Variants in RAVER2 observed in about 807,000 individuals in gnomAD.
RAVER2 encodes ribonucleoprotein, PTB binding 2, also known as ribonucleoprotein PTB-binding 2.
In RAVER2, 46 loss-of-function variants were observed where a neutral mutation model predicts 78.1. That is an observed-to-expected ratio of 0.59 (90% CI 0.46 to 0.75). The LOEUF (loss-of-function observed/expected upper bound fraction) is 0.75, where lower values mean the gene tolerates loss of function less well. Among genes scored for constraint, RAVER2 ranks in the 30% least tolerant of loss-of-function variants. The probability of loss-of-function intolerance (pLI) is 0.00; values close to 1 mark genes in which losing one functional copy is unlikely to be tolerated. For synonymous variants in RAVER2, 311 were observed against 313.3 expected (o/e 0.99, Z 0.08); for missense variants, 793 against 837.5 (o/e 0.95, Z 0.66).
intron 8 of RAVER2, 47 bp from the exon 9 acceptor site, chr1:64,807,159 T>C: frequency 6.4e-7 from 1 of 1,571,470 alleles, no homozygotes; most frequent in Non-Finnish European, 8.7e-7. Context: ...CTATTGTGAA[T>C]AAATATTTTC....
chr1:64,768,847 G>A (rs775161427), intron 2 of RAVER2, 125 bp downstream of exon 2: 46 of 619,994 alleles, frequency 7.4e-5, no homozygotes, highest in South Asian at 4.2e-4. Context: ...TAAATCATTC[G>A]AATGTAACCC....
chr1:64,751,402 G>A (rs925933913), intron 1 of RAVER2, among the ~76,000 whole-genome samples: 3 of 152,132 alleles, frequency 2.0e-5, no homozygotes, highest in African/African-American at 7.2e-5. Context: ...CAGGAAGAAG[G>A]GAATTTAAGG....
exon 9 of RAVER2, chr1:64,807,216 G>A (rs761266336): frequency 1.2e-6 from 2 of 1,613,370 alleles, no homozygotes; most frequent in Admixed American, 1.7e-5. Flanking sequence ...CATCTAGCCT[G>A]ATTCCAACTC....
chr1:64,750,775 C>G (rs12028020), intron 1 of RAVER2, among the ~76,000 whole-genome samples: 7,179 of 152,152 alleles, frequency 0.047, 411 homozygotes, highest in East Asian at 0.27. Context: ...CCATTGCTTA[C>G]CTCCAAAAGT....
chr1:64,777,729 T>G lies in RAVER2; in HGVS notation c.423T>G (p.Asp141Glu), dbSNP rs1193534174. Residue 141 changes from aspartate (D) to glutamate (E), a missense_variant, in exon 3 of 12, where the codon GAT (aspartate) becomes GAG (glutamate). By Grantham distance (45) the Asp-to-Glu change is conservative. Transcript: ENST00000294428. Reference sequence around the variant, plus strand: ...TAATAGTCCAGCTTCAGCCAACAGATGCTTTGTTGTGTATTACCAACGTGC... The same window carrying G: ...TAATAGTCCAGCTTCAGCCAACAGAGGCTTTGTTGTGTATTACCAACGTGC... The G allele has an allele frequency of 6.2e-7, 1 of 1,613,880 alleles. No individual in the cohort carries two copies. Among genetic ancestry groups the G allele is most frequent in the East Asian group, 2.2e-5 (1 of 44,892 alleles).
chr1:64,745,940 T>A lies in RAVER2; in HGVS notation c.249+519T>A, dbSNP rs1264004356. 3.9e-5 allele frequency among the ~76,000 whole-genome samples: 6 copies of A among 152,278 alleles called. No individual in the cohort carries two copies. Among genetic ancestry groups the A allele is most frequent in the African/African-American group, 1.2e-4 (5 of 41,572 alleles). ...GCAGAAGCACTTGCCCAAGTTTCTA[T>A]GAAACAACTCTGTCTTCTCAGTTTG... On this transcript the variant is annotated intron_variant, in intron 1 of 11. Coordinates refer to ENST00000294428, the Ensembl canonical transcript of RAVER2. The surrounding 1 kb of genome is among the most constrained non-coding windows in gnomAD (Gnocchi z 4.3).
intron 4 of RAVER2, among the ~76,000 whole-genome samples, chr1:64,785,065 C>CTGCATAAG: frequency 6.6e-6 from 1 of 152,094 alleles, no homozygotes; most frequent in Non-Finnish European, 1.5e-5. Context: ...TCTTTAATGC[C>CTGCATAAG]TGCATAAGTT....
At chr1:64,778,307 T>C (rs1652530553) in intron 3 of RAVER2, among the ~76,000 whole-genome samples, 1 of 152,198 alleles carries the variant, frequency 6.6e-6, no homozygotes, top group Admixed American at 6.5e-5. Flanking sequence ...AAGTATGCCT[T>C]AGCAAATCCA....
intron 6 of RAVER2, 64 bp downstream of exon 6, chr1:64,803,125 A>G (rs1653314305): frequency 1.6e-6 from 2 of 1,256,176 alleles, no homozygotes; most frequent in South Asian, 1.3e-5. Context: ...GTTTGTTCTT[A>G]ACACTTAAAG....
In RAVER2 at chr1:64,745,113, T is replaced by TTC. The variant is rs1163051257; in HGVS notation, c.-53_-52dup. ...GCCCTCGCCCGGGCCTCCTCCCGCT[T>TTC]TCTCTCTCCGCTTCCCCTGGAGCCT... On this transcript the variant is annotated 5_prime_UTR_variant, in exon 1 of 12. Coordinates refer to ENST00000294428, the Ensembl canonical transcript of RAVER2. This position sits in a 1 kb window ranked among gnomAD's most constrained non-coding sequence, Gnocchi z 4.3. 2.5e-5 allele frequency: 25 copies of TTC among 1,013,198 alleles called. No homozygotes were observed. Among genetic ancestry groups the TTC allele is most frequent in the Non-Finnish European group, 2.7e-5 (23 of 849,084 alleles). 62.8% of individuals were successfully genotyped at this position (1,013,198 alleles called of 1,614,324 possible).
chr1:64,828,419 GA>G (rs1235253675), intron 11 of RAVER2, among the ~76,000 whole-genome samples: 5 of 152,066 alleles, frequency 3.3e-5, no homozygotes, highest in Non-Finnish European at 7.4e-5. Context: ...AAAATAGAAG[GA>G]AAAATATTTG....
intron 9 of RAVER2, among the ~76,000 whole-genome samples, chr1:64,809,379 G>T (rs1000380232): frequency 2.6e-5 from 4 of 152,072 alleles, no homozygotes; most frequent in South Asian, 2.1e-4. Context: ...AGACTTGGCT[G>T]AAATGATTGG....
chr1:64,814,937 G>T (rs3790529), intron 11 of RAVER2, 97 bp downstream of exon 11: 3 of 1,123,612 alleles, frequency 2.7e-6, no homozygotes, highest in Non-Finnish European at 3.6e-6. Context: ...TATTATTAAC[G>T]TAGGCAAATC....
intron 1 of RAVER2, among the ~76,000 whole-genome samples, chr1:64,747,209 C>A (rs1423822980): frequency 6.6e-6 from 1 of 152,172 alleles, no homozygotes; most frequent in East Asian, 1.9e-4. Flanking sequence ...CTAATATTTT[C>A]ATATGTTCTG....
chr1:64,821,537 T>C (rs1264389376), intron 11 of RAVER2, among the ~76,000 whole-genome samples: 1 of 152,176 alleles, frequency 6.6e-6, no homozygotes, highest in Non-Finnish European at 1.5e-5. Context: ...AGTAGAAATA[T>C]GTATTCACAC....
intron 5 of RAVER2, among the ~76,000 whole-genome samples, chr1:64,792,019 G>C (rs1335866291): frequency 1.3e-5 from 2 of 152,072 alleles, no homozygotes; most frequent in Admixed American, 6.6e-5. Flanking sequence ...TACCATATAT[G>C]TAAAAGATGT....
intron 1 of RAVER2, among the ~76,000 whole-genome samples, chr1:64,749,457 C>A (rs1404721683): frequency 6.6e-6 from 1 of 151,848 alleles, no homozygotes; most frequent in Non-Finnish European, 1.5e-5. Context: ...GTGATCTGCC[C>A]GCCTCGGCCT....
intron 1 of RAVER2, among the ~76,000 whole-genome samples, chr1:64,746,056 T>C (rs1215241618): frequency 1.3e-5 from 2 of 152,256 alleles, no homozygotes; most frequent in African/African-American, 2.4e-5. Context: ...GGGTTTGTTC[T>C]CAGTGACTTG....
At chr1:64,791,215 G>GT (rs1396007925) in intron 5 of RAVER2, among the ~76,000 whole-genome samples, 1 of 152,164 alleles carries the variant, frequency 6.6e-6, no homozygotes, top group African/African-American at 2.4e-5. Flanking sequence ...ACATCAATAT[G>GT]TTTTCCAACT....
Sources: allele counts gnomAD v4.1 joint callset (sites outside exome capture counted in the v4.1 genomes callset), GRCh38; gene constraint gnomAD v4.1.1; non-coding constraint Gnocchi (gnomAD v3.1); transcripts MANE v1.5; gene names NCBI Gene and HGNC (gene_info 2026-07-23, HGNC 2026-07-21).